The following RBFOX1 variants were observed in gnomAD, a reference collection of about 807,000 sequenced individuals.
RBFOX1 encodes RNA binding protein fox-1 homolog 1.
A neutral mutation model predicts 57.7 loss-of-function variants in RBFOX1; 8 were observed. That is an observed-to-expected ratio of 0.14 (90% CI 0.08 to 0.25). The LOEUF is 0.25. Among genes scored for constraint, RBFOX1 ranks in the 10% least tolerant of loss-of-function variants. The pLI, the probability that RBFOX1 is intolerant of heterozygous loss-of-function variation, is 1.00. For missense variants in RBFOX1, 611 were observed against 548.5 expected, an observed-to-expected ratio of 1.11 and a Z score of -1.14; for synonymous variants, 326 against 222.4, an observed-to-expected ratio of 1.47 and a Z score of -4.15.
At chr16:7,320,806 T>G (rs1188336056) in intron 4 of RBFOX1, among the ~76,000 whole-genome samples, 1 of 152,248 alleles carries the variant, frequency 6.6e-6, no homozygotes, top group Non-Finnish European at 1.5e-5. Context: ...TGTGGTTATA[T>G]TACTTAGAGC....
chr16:5,805,954 A>G (rs933685576), intron 3 of RBFOX1, among the ~76,000 whole-genome samples: 1 of 152,218 alleles, frequency 6.6e-6, no homozygotes, highest in South Asian at 2.1e-4. Context: ...TCTGTCCTGC[A>G]TAGATCCTAG....
Position 6,935,529 on chromosome 16 carries a change from C to T in RBFOX1, c.-15-116528C>T, listed in dbSNP as rs112226895. Among the ~76,000 whole-genome samples, 1,315 of 152,316 alleles carry T rather than the reference C, an allele frequency of 8.6e-3. 27 individuals carry two copies. The highest frequency in any genetic ancestry group is 0.031 in the African/African-American group (1,272 of 41,564). On this transcript the variant is annotated intron_variant, in intron 3 of 15. Transcript: ENST00000550418. The stretch of plus-strand genomic sequence containing the variant: ...TAATTTGTCTCATGGCAATAGATAA[C>T]TCACACTTTCAGTAGTATTTGCAGC...
At chr16:5,717,977 T>A (rs971514795) in intron 3 of RBFOX1, among the ~76,000 whole-genome samples, 3 of 152,120 alleles carry the variant, frequency 2.0e-5, no homozygotes, top group Non-Finnish European at 4.4e-5. Context: ...TTCTGGACAA[T>A]GTTATGCATC....
chr16:5,993,272 T>C (rs2060432837), intron 4 of RBFOX1, among the ~76,000 whole-genome samples: 1 of 152,096 alleles, frequency 6.6e-6, no homozygotes, highest in Non-Finnish European at 1.5e-5. Context: ...CTCTTTCTTT[T>C]TGTAGCATGT....
chr16:7,487,972 C>G (rs941057472), intron 4 of RBFOX1, among the ~76,000 whole-genome samples: 1 of 152,052 alleles, frequency 6.6e-6, no homozygotes, highest in African/African-American at 2.4e-5. Flanking sequence ...TCCAGGGCCT[C>G]TTTTCTAATT....
chr16:6,548,352 A>G (rs1348354980), intron 2 of RBFOX1, among the ~76,000 whole-genome samples: 2 of 152,164 alleles, frequency 1.3e-5, no homozygotes, highest in Non-Finnish European at 2.9e-5. Context: ...GAGAATTCCA[A>G]AGGCGGAGGT....
intron 1 of RBFOX1, among the ~76,000 whole-genome samples, chr16:6,192,209 C>T (rs992361681): frequency 2.6e-5 from 4 of 152,150 alleles, no homozygotes; most frequent in African/African-American, 9.6e-5. Flanking sequence ...CTCCCCAGCA[C>T]ACCCCTCGGG....
At chr16:6,808,659 A>G (rs185626347) in intron 3 of RBFOX1, among the ~76,000 whole-genome samples, 11 of 152,288 alleles carry the variant, frequency 7.2e-5, no homozygotes, top group African/African-American at 2.6e-4. Flanking sequence ...ATCTTATTTT[A>G]CCAGGCAGAA....
chr16:6,396,448 G>A (rs2092838564), intron 2 of RBFOX1, among the ~76,000 whole-genome samples: 1 of 151,620 alleles, frequency 6.6e-6, no homozygotes, highest in Admixed American at 6.6e-5. Flanking sequence ...AGACTAGGAA[G>A]GAAGATGCAG....
In RBFOX1 at chr16:7,253,591, C is replaced by G. The variant is rs139849222; in HGVS notation, c.27+201493C>G. 2.2e-4 allele frequency among the ~76,000 whole-genome samples: 33 copies of G among 152,302 alleles called. 1 individual carries two copies. The East Asian group carries it at 6.2e-3, about 28-fold the overall frequency. On this transcript the variant is annotated intron_variant, in intron 4 of 15. Coordinates refer to ENST00000550418, the MANE Select transcript of RBFOX1 (RefSeq NM_018723.4). ...TGGATGTCTCCTCTGTCTGAATGCT[C>G]TCATTTCCAGCCTCTTTTCCTTTTT...
intron 2 of RBFOX1, among the ~76,000 whole-genome samples, chr16:6,463,387 C>G (rs1303504299): frequency 6.6e-6 from 1 of 152,122 alleles, no homozygotes; most frequent in African/African-American, 2.4e-5. Context: ...GTTTTGCCTA[C>G]TAATATATTT....
At chr16:6,897,973 A>G (rs35080359) in intron 3 of RBFOX1, among the ~76,000 whole-genome samples, 25,451 of 151,986 alleles carry the variant, frequency 0.17, 2,297 homozygotes, top group South Asian at 0.28. Context: ...TAGGTAACTT[A>G]AGGTCTGTAA....
chr16:6,364,250 A>G (rs1357848208), intron 2 of RBFOX1, among the ~76,000 whole-genome samples: 1 of 152,222 alleles, frequency 6.6e-6, no homozygotes, highest in Non-Finnish European at 1.5e-5. Flanking sequence ...CACAGTATAA[A>G]GCCCTTTACC....
At chr16:7,327,008 G>A (rs1238010157) in intron 4 of RBFOX1, among the ~76,000 whole-genome samples, 1 of 152,172 alleles carries the variant, frequency 6.6e-6, no homozygotes, top group Non-Finnish European at 1.5e-5. Flanking sequence ...GAGCCAATCT[G>A]CCTTCTCAAA....
chr16:5,283,734 A>G (rs2063327280), intron 1 of RBFOX1, among the ~76,000 whole-genome samples: 1 of 152,068 alleles, frequency 6.6e-6, no homozygotes, highest in Non-Finnish European at 1.5e-5. Flanking sequence ...CTATACCCCC[A>G]TTGTATCTAG....
At chr16:6,494,129 A>T (rs1041070196) in intron 2 of RBFOX1, among the ~76,000 whole-genome samples, 1 of 152,206 alleles carries the variant, frequency 6.6e-6, no homozygotes, top group Non-Finnish European at 1.5e-5. Flanking sequence ...TCTCTTGTAC[A>T]CTATTCTCTA....
Position 6,667,927 on chromosome 16 carries a change from T to C in RBFOX1, c.-16+13277T>C, listed in dbSNP as rs569232772. On this transcript the variant is annotated intron_variant, in intron 3 of 15. Coordinates refer to ENST00000550418, the MANE Select transcript of RBFOX1 (RefSeq NM_018723.4). ...AAAAAAAAAATAAGTACAAGCTGCC[T>C]GATTATTACACTTAAATCTGCTTTC... 7.4e-4 allele frequency among the ~76,000 whole-genome samples: 113 copies of C among 152,198 alleles called. 1 individual carries two copies. Among genetic ancestry groups the C allele is most frequent in the Non-Finnish European group, 1.3e-3 (88 of 68,008 alleles).
intron 3 of RBFOX1, among the ~76,000 whole-genome samples, chr16:6,806,918 C>G (rs1311152860): frequency 6.7e-6 from 1 of 148,302 alleles, no homozygotes; most frequent in Non-Finnish European, 1.5e-5. Flanking sequence ...ACTGCAAACT[C>G]CACCTCCTGG....
At chr16:5,729,396 CTTTT>C (rs71142649) in intron 3 of RBFOX1, among the ~76,000 whole-genome samples, 99 of 111,458 alleles carry the variant, frequency 8.9e-4, no homozygotes, top group African/African-American at 1.1e-3. Flanking sequence ...TTTTTCTTTT[CTTTT>C]TTTTTTTTTT....
Sources: gnomAD v4.1 joint callset for allele counts (sites outside exome capture counted in the v4.1 genomes callset) on GRCh38, gnomAD v4.1.1 for gene constraint, MANE v1.5 for transcripts, NCBI Gene and HGNC (gene_info 2026-07-23, HGNC 2026-07-21) for gene names.